Variants in ESRRG observed in about 807,000 individuals in gnomAD.
ESRRG encodes estrogen-related receptor gamma.
ESRRG carries 13 observed loss-of-function variants against 44.0 expected under a neutral mutation model. That is an observed-to-expected ratio of 0.30 (90% CI 0.19 to 0.47). ESRRG has a LOEUF of 0.47. ESRRG is among the 20% of genes least tolerant of loss of function. ESRRG has a pLI of 1.00. For synonymous variants in ESRRG, 215 were observed against 214.6 expected (o/e 1.00, Z -0.02); for missense variants, 395 against 580.6 (o/e 0.68, Z 3.29).
chr1:216,854,610 A>G (rs932481375), intron 2 of ESRRG, among the ~76,000 whole-genome samples: 1 of 151,988 alleles, frequency 6.6e-6, no homozygotes, highest in Non-Finnish European at 1.5e-5. Context: ...TTCCACTTTC[A>G]CTTCTTAGGG....
At chr1:216,874,993 A>T (rs2096326238) in intron 2 of ESRRG, among the ~76,000 whole-genome samples, 1 of 152,178 alleles carries the variant, frequency 6.6e-6, no homozygotes, top group South Asian at 2.1e-4. Context: ...TGAAGGCTGC[A>T]CTATCGGTTT....
intron 2 of ESRRG, among the ~76,000 whole-genome samples, chr1:216,865,688 T>A (rs1047430840): frequency 2.0e-5 from 3 of 152,192 alleles, no homozygotes; most frequent in Non-Finnish European, 4.4e-5. Flanking sequence ...ACCATTTAAT[T>A]TTCAAGATTT....
intron 5 of ESRRG, among the ~76,000 whole-genome samples, chr1:216,550,708 A>G (rs549327014): frequency 1.3e-5 from 2 of 152,298 alleles, no homozygotes; most frequent in African/African-American, 4.8e-5. Context: ...GGTTGTAATC[A>G]GTTCTATATT....
intron 1 of ESRRG, among the ~76,000 whole-genome samples, chr1:216,698,076 G>C (rs550450564): frequency 6.6e-6 from 1 of 152,100 alleles, no homozygotes; most frequent in Non-Finnish European, 1.5e-5. Context: ...TTCCAGAAGG[G>C]AATTAGACAT....
At chr1:216,571,473 C>T (rs1254089764) in intron 3 of ESRRG, among the ~76,000 whole-genome samples, 1 of 151,930 alleles carries the variant, frequency 6.6e-6, no homozygotes, top group African/African-American at 2.4e-5. Flanking sequence ...AAACATAAAA[C>T]AAACAAACAA....
At chr1:216,940,850 T>C (rs952654672) in intron 1 of ESRRG, among the ~76,000 whole-genome samples, 2 of 152,144 alleles carry the variant, frequency 1.3e-5, no homozygotes, top group African/African-American at 4.8e-5. Context: ...CACCCAGCAA[T>C]TGGAATCATA....
chr1:216,640,715 G>C (rs1299517990), intron 3 of ESRRG, among the ~76,000 whole-genome samples: 1 of 151,996 alleles, frequency 6.6e-6, no homozygotes, highest in Non-Finnish European at 1.5e-5. Context: ...CAACCATGAA[G>C]CACTTCATTA....
chr1:216,779,260 TAAA>T (rs2093764914), intron 2 of ESRRG, among the ~76,000 whole-genome samples: 1 of 51,200 alleles, frequency 2.0e-5, no homozygotes, highest in Non-Finnish European at 3.3e-5. Flanking sequence ...TTTATAAATA[TAAA>T]TATATATTTA....
chr1:216,820,249 A>C (rs2148597478), intron 2 of ESRRG, among the ~76,000 whole-genome samples: 1 of 152,342 alleles, frequency 6.6e-6, no homozygotes, highest in East Asian at 1.9e-4. Context: ...CTGAGAATTC[A>C]GTTTTCTTCC....
chr1:216,783,265 C>A (rs1270710054), intron 2 of ESRRG, among the ~76,000 whole-genome samples: 1 of 151,984 alleles, frequency 6.6e-6, no homozygotes, highest in African/African-American at 2.4e-5. Context: ...CCAGGAGGGA[C>A]CCTCCACAGA....
intron 2 of ESRRG, among the ~76,000 whole-genome samples, chr1:216,652,182 A>G (rs992892045): frequency 3.9e-5 from 6 of 152,196 alleles, no homozygotes; most frequent in African/African-American, 1.4e-4. Flanking sequence ...GCATAATTGC[A>G]ATTTTGCTGC....
intron 2 of ESRRG, among the ~76,000 whole-genome samples, chr1:216,918,410 G>T (rs186721834): frequency 6.6e-6 from 1 of 151,922 alleles, no homozygotes; most frequent in African/African-American, 2.4e-5. Context: ...ACTGGTGTGG[G>T]GAAAATAAGC....
At chr1:216,540,008 C>A (rs1316415012) in intron 5 of ESRRG, among the ~76,000 whole-genome samples, 1 of 151,790 alleles carries the variant, frequency 6.6e-6, no homozygotes, top group Non-Finnish European at 1.5e-5. Context: ...CATAATTTAA[C>A]CAAGAAATTT....
chr1:216,973,194 C>CA (rs1232237353), intron 1 of ESRRG, among the ~76,000 whole-genome samples: 1 of 152,128 alleles, frequency 6.6e-6, no homozygotes, highest in Non-Finnish European at 1.5e-5. Flanking sequence ...CTCCTCACCT[C>CA]AAAATCCTAT....
At chr1:216,643,673 G>C (rs2066910629) in intron 3 of ESRRG, among the ~76,000 whole-genome samples, 2 of 152,086 alleles carry the variant, frequency 1.3e-5, no homozygotes, top group South Asian at 4.1e-4. Context: ...ATCCCATAAA[G>C]ACTTTTCCTG....
At chr1:216,727,685 G>A (rs997685943), upstream of ESRRG, among the ~76,000 whole-genome samples, 4 of 151,810 alleles carry the variant, frequency 2.6e-5, no homozygotes, top group African/African-American at 9.7e-5. Context: ...TTATTGTCTC[G>A]ATTGGCAAGA....
chr1:216,661,104 A>G (rs1228283166), intron 2 of ESRRG, among the ~76,000 whole-genome samples: 3 of 152,168 alleles, frequency 2.0e-5, no homozygotes, highest in Non-Finnish European at 2.9e-5. Flanking sequence ...AAGAAATTCA[A>G]TGTTTTTAGT....
At chr1:217,085,282 G>A (rs923455588) in intron 1 of ESRRG, among the ~76,000 whole-genome samples, 1 of 152,076 alleles carries the variant, frequency 6.6e-6, no homozygotes, top group African/African-American at 2.4e-5. Flanking sequence ...ATAAGGCTGT[G>A]TGTATTGACC....
In ESRRG at chr1:216,504,394, T is replaced by C. The variant is rs11572836; in HGVS notation, c.*2545A>G. ...AATTTCTGAACTCCTATCACAGCTA[T>C]AAATTTCAAGTTATTGACCATCTGA... On this transcript the variant is annotated 3_prime_UTR_variant, in exon 7 of 7. Transcript: ENST00000408911. The C allele has an allele frequency of 7.2e-3, 1,094 of 152,668 alleles. 10 individuals are homozygous for C. The highest frequency in any genetic ancestry group is 0.012 in the Non-Finnish European group (792 of 67,974). 9.5% of individuals were successfully genotyped at this position (152,668 alleles called of 1,614,324 possible).
Sources: gnomAD v4.1 joint callset for allele counts (sites outside exome capture counted in the v4.1 genomes callset) on GRCh38, gnomAD v4.1.1 for gene constraint, MANE v1.5 for transcripts, NCBI Gene and HGNC (gene_info 2026-07-23, HGNC 2026-07-21) for gene names.